Variants in BNC2 observed in about 807,000 individuals in gnomAD.
BNC2 encodes basonuclin zinc finger protein 2.
BNC2 carries 20 observed loss-of-function variants against 76.3 expected under a neutral mutation model. The ratio of observed to expected loss-of-function variants is 0.26; its 90% CI spans 0.18 to 0.38. The LOEUF is 0.38. Ranked by LOEUF, BNC2 falls within the 10% of genes least tolerant of loss-of-function variation. The probability of loss-of-function intolerance (pLI) is 1.00; values close to 1 mark genes in which losing one functional copy is unlikely to be tolerated. For missense variants in BNC2, 1,382 were observed against 1,399.8 expected, an observed-to-expected ratio of 0.99 and a Z score of 0.20; for synonymous variants, 582 against 514.8, an observed-to-expected ratio of 1.13 and a Z score of -1.77.
intron 4 of BNC2, among the ~76,000 whole-genome samples, chr9:16,578,811 G>A (rs554201015): frequency 6.6e-5 from 10 of 152,190 alleles, no homozygotes; most frequent in East Asian, 1.9e-4. Context: ...TGAAGGAAAC[G>A]CACTGAGAAG....
At chr9:16,457,637 G>A (rs528881662) in intron 5 of BNC2, among the ~76,000 whole-genome samples, 14 of 152,186 alleles carry the variant, frequency 9.2e-5, no homozygotes, top group Non-Finnish European at 2.1e-4. Flanking sequence ...GAGTGGTCAC[G>A]TAGGCATGCT....
intron 3 of BNC2, among the ~76,000 whole-genome samples, chr9:16,689,067 A>C (rs1012124237): frequency 6.6e-6 from 1 of 151,554 alleles, no homozygotes; most frequent in African/African-American, 2.4e-5. Context: ...TCCAGAAAAC[A>C]TATTTTCTGT....
chr9:16,621,919 A>T, intron 3 of BNC2, among the ~76,000 whole-genome samples: 1 of 152,208 alleles, frequency 6.6e-6, no homozygotes, highest in Non-Finnish European at 1.5e-5. Context: ...ATACATTATT[A>T]AAATCAATTT....
At chr9:16,512,849 G>A (rs1822790686) in intron 5 of BNC2, among the ~76,000 whole-genome samples, 1 of 127,520 alleles carries the variant, frequency 7.8e-6, no homozygotes, top group Non-Finnish European at 1.5e-5. Context: ...AAAATAATGA[G>A]ATATGGCTGG....
chr9:16,584,119 A>T (rs1217370804), intron 3 of BNC2, among the ~76,000 whole-genome samples: 1 of 152,206 alleles, frequency 6.6e-6, no homozygotes, highest in African/African-American at 2.4e-5. Flanking sequence ...TTAACAATCT[A>T]CTGTAACTAC....
chr9:16,747,023 T>C (rs115762744), intron 1 of BNC2, among the ~76,000 whole-genome samples: 1,518 of 151,744 alleles, frequency 0.01, 21 homozygotes, highest in African/African-American at 0.034. Flanking sequence ...CTAACAGATA[T>C]TAAAACATCT....
In BNC2 at chr9:16,541,989, T is replaced by TA. The variant is rs569687340; in HGVS notation, c.669+10540dup. Among the ~76,000 whole-genome samples, 4 of 152,032 alleles carry TA rather than the reference T, an allele frequency of 2.6e-5. No homozygotes were observed. In the East Asian group the frequency reaches 7.7e-4, roughly 29 times the overall value. On this transcript the variant is annotated intron_variant, in intron 5 of 6. Coordinates refer to ENST00000380672, the MANE Select transcript of BNC2 (RefSeq NM_017637.6). ...ACCACATTTACTCAACTGCTGTTTT[T>TA]AAAATCAAGAAAGAAAAAAAAATCC...
chr9:16,710,930 C>T (rs1013262670), intron 3 of BNC2, among the ~76,000 whole-genome samples: 5 of 152,156 alleles, frequency 3.3e-5, no homozygotes, highest in Non-Finnish European at 7.3e-5. Context: ...TCAATATGGT[C>T]AAGTCCTTAA....
chr9:16,410,719 A>C lies in BNC2; in HGVS notation c.*8270T>G, dbSNP rs1275073293. ...TTGCTCAAACATGATTTATTTTTTAAGGGGGGTTGGTGAGATCCGAAGAGC... is the reference window on the plus strand; with the variant it reads ...TTGCTCAAACATGATTTATTTTTTACGGGGGGTTGGTGAGATCCGAAGAGC... On this transcript the variant is annotated 3_prime_UTR_variant, in exon 7 of 7. Coordinates refer to ENST00000380672, the MANE Select transcript of BNC2 (RefSeq NM_017637.6). 6.6e-6 allele frequency: 1 copy of C among 152,192 alleles called. No homozygotes were observed. Among genetic ancestry groups the C allele is most frequent in the African/African-American group, 2.4e-5 (1 of 41,394 alleles). 9.4% of individuals were successfully genotyped at this position (152,192 alleles called of 1,614,324 possible). A position where few individuals can be genotyped will look rare whatever the true frequency, so the allele number is the denominator to read the frequency against.
intron 2 of BNC2, among the ~76,000 whole-genome samples, chr9:16,737,138 C>G (rs1824696349): frequency 6.6e-6 from 1 of 151,116 alleles, no homozygotes; most frequent in Non-Finnish European, 1.5e-5. Flanking sequence ...TAGGATCTTG[C>G]TCTATCGCCC....
At chr9:16,814,093 CTGGCCCTA>C (rs1818122970) in intron 1 of BNC2, among the ~76,000 whole-genome samples, 1 of 152,214 alleles carries the variant, frequency 6.6e-6, no homozygotes. Context: ...ACAATGTTTT[CTGGCCCTA>C]CTTGTTTCAT....
intron 1 of BNC2, among the ~76,000 whole-genome samples, chr9:16,782,697 C>T (rs890038700): frequency 3.9e-5 from 6 of 152,136 alleles, no homozygotes; most frequent in African/African-American, 1.4e-4. Context: ...GGGTTCCACA[C>T]CATTTATCAT....
chr9:16,861,857 C>T (rs530017388), intron 1 of BNC2, among the ~76,000 whole-genome samples: 4 of 152,056 alleles, frequency 2.6e-5, no homozygotes, highest in Admixed American at 6.5e-5. Context: ...GTCATGGTGG[C>T]GGGCGCCTGT....
chr9:16,788,029 A>C (rs1826344878), intron 1 of BNC2, among the ~76,000 whole-genome samples: 1 of 152,140 alleles, frequency 6.6e-6, no homozygotes, highest in African/African-American at 2.4e-5. Flanking sequence ...AACTGGTTCA[A>C]ATGTAGTACC....
intron 5 of BNC2, among the ~76,000 whole-genome samples, chr9:16,479,643 T>A (rs1243429199): frequency 6.6e-6 from 1 of 152,216 alleles, no homozygotes; most frequent in Non-Finnish European, 1.5e-5. Flanking sequence ...ATAACAGTCC[T>A]ATAATTTACA....
chr9:16,697,519 C>A (rs1205316076), intron 3 of BNC2, among the ~76,000 whole-genome samples: 1 of 151,954 alleles, frequency 6.6e-6, no homozygotes, highest in Non-Finnish European at 1.5e-5. Flanking sequence ...GCCAGGAGAT[C>A]AAGACCAGCC....
intron 5 of BNC2, among the ~76,000 whole-genome samples, chr9:16,526,312 T>C (rs1223214780): frequency 6.6e-6 from 1 of 152,118 alleles, no homozygotes; most frequent in Admixed American, 6.5e-5. Context: ...CCCAGTGAGA[T>C]AAGGATAACA....
intron 5 of BNC2, among the ~76,000 whole-genome samples, chr9:16,479,233 G>A (rs1470116680): frequency 7.5e-6 from 1 of 132,570 alleles, no homozygotes; most frequent in Non-Finnish European, 1.5e-5. Flanking sequence ...CTGGGCGACA[G>A]AACGAGACTC....
At chr9:16,656,527 C>A (rs755715133) in intron 3 of BNC2, among the ~76,000 whole-genome samples, 1 of 152,056 alleles carries the variant, frequency 6.6e-6, no homozygotes, top group East Asian at 1.9e-4. Flanking sequence ...AACTGGTATA[C>A]AAAAAACCAC....
Sources: gnomAD v4.1 joint callset for allele counts (sites outside exome capture counted in the v4.1 genomes callset) on GRCh38, gnomAD v4.1.1 for gene constraint, MANE v1.5 for transcripts, NCBI Gene and HGNC (gene_info 2026-07-23, HGNC 2026-07-21) for gene names.